The following MYO18B variants were observed in gnomAD, a reference collection of about 807,000 sequenced individuals.
MYO18B encodes the protein unconventional myosin-XVIIIb.
Under a neutral mutation model 273.0 loss-of-function variants are expected in MYO18B, and 204 were observed. The observed-to-expected ratio is 0.75, with a 90% CI of 0.67 to 0.84. The LOEUF is 0.84. MYO18B is among the 40% of genes least tolerant of loss of function. The pLI, the probability that MYO18B is intolerant of heterozygous loss-of-function variation, is 0.00. For synonymous variants in MYO18B, 1,330 were observed against 1,305.7 expected (o/e 1.02, Z -0.40); for missense variants, 3,212 against 3,287.6 (o/e 0.98, Z 0.56).
chr22:25,753,892 G>A (rs961629368), intron 1 of MYO18B, among the ~76,000 whole-genome samples: 5 of 152,224 alleles, frequency 3.3e-5, no homozygotes, highest in African/African-American at 1.2e-4. Flanking sequence ...CTTTATTCTT[G>A]AAGTTAGCGA....
chr22:25,884,441 A>G (rs943806441), intron 25 of MYO18B, among the ~76,000 whole-genome samples: 1 of 152,130 alleles, frequency 6.6e-6, no homozygotes, highest in Admixed American at 6.5e-5. Context: ...TATCTGTCTT[A>G]GGCTATTAGG....
chr22:25,895,422 T>A, intron 28 of MYO18B, 142 bp downstream of exon 28: 1 of 940,800 alleles, frequency 1.1e-6, no homozygotes. Context: ...CCATCTCCAC[T>A]ATTATTACAA....
intron 39 of MYO18B, among the ~76,000 whole-genome samples, chr22:25,978,105 T>G (rs909321874): frequency 1.3e-5 from 2 of 152,196 alleles, no homozygotes; most frequent in African/African-American, 4.8e-5. Flanking sequence ...GAGTACAACC[T>G]TATTCATAAG....
downstream of MYO18B, among the ~76,000 whole-genome samples, chr22:26,032,725 G>T (rs1936695753): frequency 6.6e-6 from 1 of 151,992 alleles, no homozygotes; most frequent in Non-Finnish European, 1.5e-5. Flanking sequence ...GTTTCTCCAT[G>T]TTGGTCAGGC....
chr22:25,992,231 C>T (rs568459281), intron 39 of MYO18B, 132 bp from the exon 40 acceptor site: 32 of 1,087,254 alleles, frequency 2.9e-5, no homozygotes, highest in South Asian at 1.8e-4. Flanking sequence ...GAGCCTCTCA[C>T]GGAGAACTTA....
rs367879764 is a variant in MYO18B, at chr22:25,772,446, C to G, written c.1805C>G (p.Thr602Ser). The change falls in exon 7 of 44, where the codon ACC becomes AGC. Residue 602 changes from threonine (T) to serine (S), a missense_variant. Transcript: ENST00000335473. ...LQRYKAQLLH[T>S]CTGPDLIVLQ... The stretch of plus-strand genomic sequence containing the variant: ...CGCTACAAAGCTCAGCTGCTGCACA[C>G]CTGCACAGGGCCTGATCTGATTGTC... 5 of 1,614,022 alleles carry G rather than the reference C, an allele frequency of 3.1e-6. No individual in the cohort carries two copies. The Admixed American group carries it at 8.3e-5, about 27-fold the overall frequency.
chr22:26,022,035 C>G lies in MYO18B; in HGVS notation c.6471-4410C>G, dbSNP rs114789262. On this transcript the variant is annotated intron_variant, in intron 42 of 43. Transcript: ENST00000335473. ...AGGATATTCCTTTTTGGACAGACTA[C>G]AGGGTGGGCAGAAGAAGTCTCCAAG... Among the ~76,000 whole-genome samples, 840 of 152,224 alleles carry G rather than the reference C, an allele frequency of 5.5e-3. 8 individuals carry two copies. The highest frequency in any genetic ancestry group is 0.019 in the African/African-American group (799 of 41,518).
rs144059582 is a variant in MYO18B at position 25,970,555 on chromosome 22, G to A, written c.6156+15191G>A. Among the ~76,000 whole-genome samples, 46 of 152,098 alleles carry A rather than the reference G, an allele frequency of 3.0e-4. No individual in the cohort carries two copies. The East Asian group carries it at 4.6e-3, about 15-fold the overall frequency. ...TGCATGTCACCTCTGCCGCCCGCCC[G>A]CTTGGATAATTAGAATCAACACATT... is the stretch of plus-strand genomic sequence containing the variant. On this transcript the variant is annotated intron_variant, in intron 39 of 43. Transcript: ENST00000335473.
chr22:25,948,459 C>CTTCTTTCTTTCT (rs1158700194), intron 36 of MYO18B, among the ~76,000 whole-genome samples: 3 of 67,722 alleles, frequency 4.4e-5, no homozygotes, highest in African/African-American at 1.6e-4. Context: ...TCCTTCCTTC[C>CTTCTTTCTTTCT]TTCTTTCTTT....
At chr22:25,966,722 C>T (rs1031004992) in intron 39 of MYO18B, among the ~76,000 whole-genome samples, 2 of 152,216 alleles carry the variant, frequency 1.3e-5, no homozygotes, top group African/African-American at 4.8e-5. Context: ...CTTCTAGGCA[C>T]TGTGGTTTCC....
chr22:25,780,875 C>T (rs1045319973), intron 9 of MYO18B, among the ~76,000 whole-genome samples: 2 of 152,192 alleles, frequency 1.3e-5, no homozygotes. Flanking sequence ...CCTTCTGCAG[C>T]AGTCCGCGTG....
At position 25,829,522 on chromosome 22, in the gene MYO18B, TA is replaced by T. The variant is rs55957728; in HGVS notation, c.2979+569del. 3.4e-3 allele frequency among the ~76,000 whole-genome samples: 477 copies of T among 139,346 alleles called. 3 individuals are homozygous for T. Among genetic ancestry groups the T allele is most frequent in the African/African-American group, 9.4e-3 (344 of 36,582 alleles). The allele number at this position is 139,346 out of a possible 152,430, so 91.4% of individuals were successfully genotyped here. A position where few individuals can be genotyped will look rare whatever the true frequency, so the allele number is the denominator to read the frequency against. ...GATCCTGCCAGCCCTTCTTTTTTCATAAAAAAAAAAAAAAAGAGGTTAAGTT... is the reference window on the plus strand; with the variant it reads ...GATCCTGCCAGCCCTTCTTTTTTCATAAAAAAAAAAAAAAGAGGTTAAGTT... On this transcript the variant is annotated intron_variant, in intron 15 of 43. Transcript: ENST00000335473.
At chr22:25,777,512 G>T in intron 7 of MYO18B, 71 bp from the exon 8 acceptor site, 1 of 1,403,610 alleles carries the variant, frequency 7.1e-7, no homozygotes, top group Non-Finnish European at 9.5e-7. Context: ...GGCCTGGGGC[G>T]GGGCGCTGTC....
intron 42 of MYO18B, chr22:26,006,386 C>CTT: frequency 4.6e-6 from 1 of 219,316 alleles, no homozygotes; most frequent in South Asian, 9.9e-5. Context: ...AAAGTAGGCA[C>CTT]TTTTTACATT....
At chr22:26,058,206 G>A in the MYO18B span, among the ~76,000 whole-genome samples, 51,970 of 152,004 alleles carry the variant, frequency 0.34, 12,504 homozygotes, top group African/African-American at 0.69. Context: ...AACTTCTAAT[G>A]CCAGTGATTT....
chr22:26,051,747 G>A, the MYO18B span, among the ~76,000 whole-genome samples: 2 of 152,116 alleles, frequency 1.3e-5, no homozygotes, highest in African/African-American at 4.8e-5. Flanking sequence ...TTTAATGCAT[G>A]GACAAGCAGG....
intron 12 of MYO18B, among the ~76,000 whole-genome samples, chr22:25,814,209 T>C (rs1353139070): frequency 6.6e-6 from 1 of 151,216 alleles, no homozygotes; most frequent in Non-Finnish European, 1.5e-5. Context: ...TGAAAGTTCC[T>C]ACCCTTCTTT....
chr22:26,027,703 G>T lies in MYO18B; in HGVS notation c.*12+13G>T. The T allele has an allele frequency of 6.3e-7, 1 of 1,580,290 alleles. No individual in the cohort carries two copies. Among genetic ancestry groups the T allele is most frequent in the South Asian group, 1.2e-5 (1 of 84,660 alleles). ...GGAACCAGTTCAGGTAAAAGCAACAGGCTGGGGCTATTCTTGGGGGAATGA... is the reference window on the plus strand; with the variant it reads ...GGAACCAGTTCAGGTAAAAGCAACATGCTGGGGCTATTCTTGGGGGAATGA... On this transcript the variant is annotated intron_variant, in intron 43 of 43. Coordinates refer to ENST00000335473, the MANE Select transcript of MYO18B (RefSeq NM_032608.7). The surrounding 1 kb of genome is among the most constrained non-coding windows in gnomAD (Gnocchi z 4.1).
chr22:26,063,370 T>G, the MYO18B span, among the ~76,000 whole-genome samples: 3 of 151,988 alleles, frequency 2.0e-5, no homozygotes, highest in African/African-American at 7.3e-5. Context: ...CCCCTCAACA[T>G]TGGAAAAGAG....
Sources: allele counts gnomAD v4.1 joint callset (sites outside exome capture counted in the v4.1 genomes callset), GRCh38; gene constraint gnomAD v4.1.1; non-coding constraint Gnocchi (gnomAD v3.1); transcripts MANE v1.5; gene names NCBI Gene and HGNC (gene_info 2026-07-23, HGNC 2026-07-21).